The following CLCN3 variants were observed in gnomAD, a reference collection of about 807,000 sequenced individuals.
CLCN3 encodes the protein H(+)/Cl(-) exchange transporter 3.
A neutral mutation model predicts 83.4 loss-of-function variants in CLCN3; 16 were observed. The ratio of observed to expected loss-of-function variants is 0.19; its 90% CI spans 0.13 to 0.29. The LOEUF is 0.29. Among genes scored for constraint, CLCN3 ranks in the 10% least tolerant of loss-of-function variants. The probability of loss-of-function intolerance (pLI) is 1.00; values close to 1 mark genes in which losing one functional copy is unlikely to be tolerated. For synonymous variants in CLCN3, 322 were observed against 346.2 expected, an observed-to-expected ratio of 0.93 and a Z score of 0.78; for missense variants, 544 against 1,006.0, an observed-to-expected ratio of 0.54 and a Z score of 6.21.
At chr4:169,705,594 A>C (rs1295521916) in intron 10 of CLCN3, among the ~76,000 whole-genome samples, 2 of 152,228 alleles carry the variant, frequency 1.3e-5, no homozygotes, top group East Asian at 3.8e-4. Flanking sequence ...ATAAGTGCCT[A>C]GTTTTAAAAA....
chr4:169,668,043 A>ATTTGTT (rs1560845763), intron 2 of CLCN3, among the ~76,000 whole-genome samples: 3 of 82,332 alleles, frequency 3.6e-5, no homozygotes, highest in South Asian at 4.4e-4. Flanking sequence ...CCGGCCAGAC[A>ATTTGTT]TTTTTTTTTT....
intron 12 of CLCN3, chr4:169,717,734 T>C (rs1448578705): frequency 4.6e-6 from 5 of 1,098,638 alleles, no homozygotes; most frequent in Admixed American, 1.8e-5. Flanking sequence ...ATCATTATGA[T>C]TGGAAACTCT....
intron 3 of CLCN3, among the ~76,000 whole-genome samples, chr4:169,681,402 A>G (rs1407305021): frequency 6.6e-6 from 1 of 152,240 alleles, no homozygotes; most frequent in Non-Finnish European, 1.5e-5. Context: ...GAAAATGACT[A>G]TTTACACAAA....
intron 7 of CLCN3, among the ~76,000 whole-genome samples, chr4:169,694,294 T>C (rs558664852): frequency 2.0e-4 from 30 of 152,300 alleles, no homozygotes; most frequent in African/African-American, 7.0e-4. Context: ...AGCTAAGTAA[T>C]ATTATCACGT....
intron 7 of CLCN3, among the ~76,000 whole-genome samples, chr4:169,694,986 G>A (rs1458573472): frequency 6.6e-6 from 1 of 152,120 alleles, no homozygotes. Context: ...GAGAGGACAC[G>A]GAAGAGTGTC....
rs140275154 is a variant in CLCN3, at chr4:169,704,066, G to T, written c.1632G>T (p.Ala544=). ...GAIAGRIVGI[A]VEQLAYYHHD... ...TCGCAGGAAGGATTGTGGGGATTGCGGTGGAGCAGCTTGCCTACTATCACC... is the reference window on the plus strand; with the variant it reads ...TCGCAGGAAGGATTGTGGGGATTGCTGTGGAGCAGCTTGCCTACTATCACC... The change falls in exon 10 of 13, where the codon GCG becomes GCT. Residue 544 remains alanine (A), a synonymous_variant. Transcript: ENST00000513761. The T allele has an allele frequency of 1.2e-6, 2 of 1,614,090 alleles. No individual in the cohort carries two copies. Among genetic ancestry groups the T allele is most frequent in the Non-Finnish European group, 1.7e-6 (2 of 1,180,012 alleles).
intron 2 of CLCN3, chr4:169,660,531 G>GT (rs1392022643): frequency 3.0e-6 from 3 of 990,594 alleles, no homozygotes; most frequent in Non-Finnish European, 4.0e-6. Flanking sequence ...ACTGGTTCTC[G>GT]TTTGTCCTTT....
intron 9 of CLCN3, among the ~76,000 whole-genome samples, chr4:169,698,380 T>G (rs1732650203): frequency 6.6e-6 from 1 of 152,178 alleles, no homozygotes; most frequent in Admixed American, 6.5e-5. Context: ...GCATACTGTG[T>G]CTCTTGTGCT....
intron 2 of CLCN3, among the ~76,000 whole-genome samples, 166 bp downstream of exon 2, chr4:169,636,254 C>G (rs1773499595): frequency 6.6e-6 from 1 of 152,144 alleles, no homozygotes; most frequent in Admixed American, 6.5e-5. Context: ...TGGCATTTAG[C>G]AGGTTCACAG....
chr4:169,687,635 A>T, intron 3 of CLCN3, 23 bp from the exon 4 acceptor site: 2 of 1,505,902 alleles, frequency 1.3e-6, no homozygotes, highest in Non-Finnish European at 1.8e-6. Flanking sequence ...GGAAAAATGA[A>T]GCATAAACAT....
intron 2 of CLCN3, among the ~76,000 whole-genome samples, chr4:169,651,260 G>A (rs908597871): frequency 6.6e-6 from 1 of 152,076 alleles, no homozygotes; most frequent in South Asian, 2.1e-4. Context: ...ATATCATGAT[G>A]CGACAAATTA....
chr4:169,658,735 C>A (rs1435671162), intron 2 of CLCN3, among the ~76,000 whole-genome samples: 1 of 151,880 alleles, frequency 6.6e-6, no homozygotes, highest in African/African-American at 2.4e-5. Context: ...AGAAAAAAAT[C>A]ACCTACTATC....
At position 169,707,343 on chromosome 4, in the gene CLCN3, T is replaced by C. The variant is rs567175203; in HGVS notation, c.2149+77T>C. ...AAGGAAAGCAATAAGCAGTAACATTTAATGGGTTGGATTTGTGGGGGCAAG... is the reference window on the plus strand; with the variant it reads ...AAGGAAAGCAATAAGCAGTAACATTCAATGGGTTGGATTTGTGGGGGCAAG... On this transcript the variant is annotated intron_variant, in intron 11 of 12. Coordinates refer to ENST00000513761, the MANE Select transcript of CLCN3 (RefSeq NM_001829.4). 9 of 1,150,400 alleles carry C rather than the reference T, an allele frequency of 7.8e-6. No individual in the cohort carries two copies. The South Asian group carries it at 1.3e-4, about 16-fold the overall frequency. 71.3% of individuals were successfully genotyped at this position (1,150,400 alleles called of 1,614,324 possible).
intron 12 of CLCN3, among the ~76,000 whole-genome samples, chr4:169,717,095 T>C (rs912215683): frequency 5.9e-5 from 9 of 152,174 alleles, no homozygotes; most frequent in African/African-American, 1.2e-4. Flanking sequence ...CTTTGCTTGA[T>C]GTGATAACAG....
intron 1 of CLCN3, among the ~76,000 whole-genome samples, chr4:169,629,481 C>G (rs1203147900): frequency 6.6e-6 from 1 of 152,006 alleles, no homozygotes; most frequent in Non-Finnish European, 1.5e-5. Context: ...AGTGATTCTT[C>G]TGCCTCGGCC....
At chr4:169,675,389 G>A (rs1415670745) in intron 2 of CLCN3, among the ~76,000 whole-genome samples, 1 of 152,148 alleles carries the variant, frequency 6.6e-6, no homozygotes, top group African/African-American at 2.4e-5. Context: ...TTTTTAATCT[G>A]TAAACCAAAG....
At chr4:169,660,481 T>A in intron 2 of CLCN3, 1 of 1,291,594 alleles carries the variant, frequency 7.7e-7, no homozygotes, top group Non-Finnish European at 9.8e-7. Flanking sequence ...AATTCTCTGT[T>A]GGTATGTTTT....
chr4:169,704,189 T>G lies in CLCN3; in HGVS notation c.1750+5T>G. 2 of 1,608,384 alleles carry G rather than the reference T, an allele frequency of 1.2e-6. No individual in the cohort carries two copies. Among genetic ancestry groups the G allele is most frequent in the Non-Finnish European group, 1.7e-6 (2 of 1,176,414 alleles). On this transcript the variant is annotated splice_donor_5th_base_variant and intron_variant, in intron 10 of 12. Transcript: ENST00000513761. ...TTGGTGCTGCTGCATGCTTAGGTAA[T>G]ATGGCTGTGTCTGCCTGTGTGTGGA...
At chr4:169,651,736 A>G (rs1467015138) in intron 2 of CLCN3, among the ~76,000 whole-genome samples, 1 of 152,198 alleles carries the variant, frequency 6.6e-6, no homozygotes, top group Admixed American at 6.5e-5. Flanking sequence ...TAGTTGGTTG[A>G]ATCCACATAT....
Sources: allele counts gnomAD v4.1 joint callset (sites outside exome capture counted in the v4.1 genomes callset), GRCh38; gene constraint gnomAD v4.1.1; transcripts MANE v1.5; gene names NCBI Gene and HGNC (gene_info 2026-07-23, HGNC 2026-07-21).